The following ADAMTSL1 variants were observed in gnomAD, a reference collection of about 807,000 sequenced individuals.
The protein encoded by ADAMTSL1 is ADAMTS like 1, also known as ADAMTS-like protein 1.
In ADAMTSL1, 126 loss-of-function variants were observed where a neutral mutation model predicts 201.8. The observed-to-expected ratio is 0.62, with a 90% CI of 0.54 to 0.72. The LOEUF (loss-of-function observed/expected upper bound fraction) is 0.72, where lower values mean the gene tolerates loss of function less well. ADAMTSL1 is among the 30% of genes least tolerant of loss of function. The pLI, the probability that ADAMTSL1 is intolerant of heterozygous loss-of-function variation, is 0.00. For synonymous variants in ADAMTSL1, 1,121 were observed against 903.4 expected, an observed-to-expected ratio of 1.24 and a Z score of -4.32; for missense variants, 2,679 against 2,277.8, an observed-to-expected ratio of 1.18 and a Z score of -3.59.
At chr9:18,792,004 A>G (rs1368036796) in intron 19 of ADAMTSL1, among the ~76,000 whole-genome samples, 1 of 152,178 alleles carries the variant, frequency 6.6e-6, no homozygotes, top group Non-Finnish European at 1.5e-5. Context: ...ACCCCCACCT[A>G]AAAATAAATG....
At chr9:18,290,947 A>G (rs1833234556) in intron 2 of ADAMTSL1, among the ~76,000 whole-genome samples, 1 of 151,884 alleles carries the variant, frequency 6.6e-6, no homozygotes, top group Non-Finnish European at 1.5e-5. Context: ...GCGCCTGGCT[A>G]ATTTTTTGTA....
In ADAMTSL1 at chr9:18,233,546, G is replaced by A. The variant is rs577160261; in HGVS notation, c.207+69565G>A. 2.9e-4 allele frequency among the ~76,000 whole-genome samples: 44 copies of A among 152,212 alleles called. 1 individual carries two copies. Among genetic ancestry groups the A allele is most frequent in the African/African-American group, 8.9e-4 (37 of 41,556 alleles). Reference sequence around the variant, plus strand: ...AGGTAGTTATCTAGGCACTGAGGTCGTATCAGTAAGCAAGGAAGACTCATT... The same window carrying A: ...AGGTAGTTATCTAGGCACTGAGGTCATATCAGTAAGCAAGGAAGACTCATT... On this transcript the variant is annotated intron_variant, in intron 2 of 29. Transcript: ENST00000680146.
intron 2 of ADAMTSL1, among the ~76,000 whole-genome samples, chr9:18,181,849 G>C (rs1413949912): frequency 6.6e-6 from 1 of 152,052 alleles, no homozygotes; most frequent in East Asian, 1.9e-4. Flanking sequence ...TATGTTTATT[G>C]CGGCATTATT....
intron 23 of ADAMTSL1, among the ~76,000 whole-genome samples, chr9:18,851,622 G>A (rs1826496217): frequency 1.3e-5 from 2 of 152,188 alleles, no homozygotes; most frequent in African/African-American, 2.4e-5. Context: ...TTCAGGGTTG[G>A]CGTGGGGTTT....
chr9:18,797,449 C>A (rs1272721908), intron 20 of ADAMTSL1, among the ~76,000 whole-genome samples: 5 of 152,168 alleles, frequency 3.3e-5, no homozygotes, highest in Non-Finnish European at 7.3e-5. Context: ...ATAAATAAAA[C>A]CTGTGTTTTG....
intron 3 of ADAMTSL1, among the ~76,000 whole-genome samples, chr9:18,563,479 G>A (rs1192622808): frequency 6.6e-6 from 1 of 152,228 alleles, no homozygotes; most frequent in Non-Finnish European, 1.5e-5. Flanking sequence ...TCAGTCAGGA[G>A]GCACAGGGGT....
At chr9:18,867,000 G>A in intron 23 of ADAMTSL1, among the ~76,000 whole-genome samples, 1 of 152,186 alleles carries the variant, frequency 6.6e-6, no homozygotes, top group East Asian at 1.9e-4. Context: ...GTTTCAGGAG[G>A]TGTGCACAGC....
At chr9:17,948,680 C>G (rs559255744) in intron 1 of ADAMTSL1, among the ~76,000 whole-genome samples, 165 of 152,224 alleles carry the variant, frequency 1.1e-3, no homozygotes, top group African/African-American at 3.7e-3. Context: ...AAGTCCATGG[C>G]AGAAATAAGT....
intron 13 of ADAMTSL1, among the ~76,000 whole-genome samples, chr9:18,699,234 G>A (rs1262912939): frequency 1.3e-5 from 2 of 152,016 alleles, no homozygotes; most frequent in Non-Finnish European, 2.9e-5. Context: ...ACCCAAAAGA[G>A]CGTCATTGTC....
chr9:18,726,303 G>A (rs1420998267), intron 15 of ADAMTSL1, among the ~76,000 whole-genome samples: 1 of 152,132 alleles, frequency 6.6e-6, no homozygotes, highest in Non-Finnish European at 1.5e-5. Flanking sequence ...GGGAGTTCAA[G>A]ACCAGCCTGG....
intron 1 of ADAMTSL1, among the ~76,000 whole-genome samples, chr9:18,037,391 G>A (rs2131623899): frequency 6.6e-6 from 1 of 152,264 alleles, no homozygotes; most frequent in African/African-American, 2.4e-5. Context: ...GTACTTTAGA[G>A]CACAAACATC....
At chr9:18,908,097 G>T (rs1014456230) in intron 28 of ADAMTSL1, 1 of 314,990 alleles carries the variant, frequency 3.2e-6, no homozygotes, top group South Asian at 3.0e-5. Flanking sequence ...GTTTGCCTAG[G>T]GGGAGAGGTG....
At chr9:18,153,549 A>G (rs80030352) in intron 1 of ADAMTSL1, among the ~76,000 whole-genome samples, 1 of 152,020 alleles carries the variant, frequency 6.6e-6, no homozygotes, top group Non-Finnish European at 1.5e-5. Flanking sequence ...CCTCATGGTC[A>G]CATTTTGAGG....
intron 1 of ADAMTSL1, among the ~76,000 whole-genome samples, chr9:17,943,652 C>T (rs1256137349): frequency 2.0e-5 from 3 of 152,110 alleles, no homozygotes; most frequent in African/African-American, 4.8e-5. Flanking sequence ...CAGTTCCTTT[C>T]CCTGGAGCCC....
chr9:18,636,197 G>T (rs1350790592), intron 6 of ADAMTSL1, among the ~76,000 whole-genome samples, 180 bp downstream of exon 6: 7 of 152,160 alleles, frequency 4.6e-5, no homozygotes, highest in Non-Finnish European at 8.8e-5. Flanking sequence ...AACCCCTGTA[G>T]TAATTATCTT....
chr9:18,437,347 T>A (rs1819784357), intron 2 of ADAMTSL1, among the ~76,000 whole-genome samples: 1 of 152,144 alleles, frequency 6.6e-6, no homozygotes, highest in Admixed American at 6.5e-5. Context: ...CTTTGCTCCA[T>A]CCCCAGTGCT....
At chr9:18,871,917 C>T (rs1279303374) in intron 23 of ADAMTSL1, among the ~76,000 whole-genome samples, 1 of 152,206 alleles carries the variant, frequency 6.6e-6, no homozygotes, top group East Asian at 1.9e-4. Flanking sequence ...CGTCTTCAGG[C>T]ATCTTCAGGG....
chr9:18,080,625 A>C (rs1823458725), intron 1 of ADAMTSL1, among the ~76,000 whole-genome samples: 2 of 152,200 alleles, frequency 1.3e-5, no homozygotes, highest in Admixed American at 1.3e-4. Context: ...GTAGCTTACA[A>C]AGCACGTTTA....
intron 1 of ADAMTSL1, among the ~76,000 whole-genome samples, chr9:18,063,197 A>C (rs887825405): frequency 1.3e-5 from 2 of 152,120 alleles, no homozygotes; most frequent in African/African-American, 4.8e-5. Context: ...GTTTTTAAAA[A>C]AGTTAGTTGG....
Sources: allele counts gnomAD v4.1 joint callset (sites outside exome capture counted in the v4.1 genomes callset), GRCh38; gene constraint gnomAD v4.1.1; transcripts MANE v1.5; gene names NCBI Gene and HGNC (gene_info 2026-07-23, HGNC 2026-07-21).